Variants in SEMA3E observed in about 807,000 individuals in gnomAD.
SEMA3E encodes semaphorin-3E.
A neutral mutation model predicts 93.6 loss-of-function variants in SEMA3E; 49 were observed. The observed-to-expected ratio is 0.52, with a 90% CI of 0.42 to 0.66. The LOEUF is 0.66. SEMA3E is among the 30% of genes least tolerant of loss of function. The probability of loss-of-function intolerance (pLI) is 0.00; values close to 1 mark genes in which losing one functional copy is unlikely to be tolerated. For missense variants in SEMA3E, 906 were observed against 964.8 expected (o/e 0.94, Z 0.81); for synonymous variants, 363 against 330.7 (o/e 1.10, Z -1.06).
Position 83,363,956 on chromosome 7 carries a change from G to A in SEMA3E, c.*3630C>T, listed in dbSNP as rs931910226. Reference sequence around the variant, plus strand: ...AGGCCGGACTGCGGACTGCAGTGGCGCAATCTCGGCTCACTGCAAGCTCCG... The same window carrying A: ...AGGCCGGACTGCGGACTGCAGTGGCACAATCTCGGCTCACTGCAAGCTCCG... On this transcript the variant is annotated 3_prime_UTR_variant, in exon 17 of 17. Transcript: ENST00000643230. The A allele has an allele frequency of 1.5e-3, 179 of 122,854 alleles. No homozygotes were observed. The highest frequency in any genetic ancestry group is 5.2e-3 in the African/African-American group (173 of 32,986). The allele number at this position is 122,854 out of a possible 1,614,324, so 7.6% of individuals were successfully genotyped here.
intron 4 of SEMA3E, among the ~76,000 whole-genome samples, chr7:83,453,704 T>C (rs1789412857): frequency 6.6e-6 from 1 of 151,254 alleles, no homozygotes; most frequent in Non-Finnish European, 1.5e-5. Context: ...TTCACATAAA[T>C]GGATCAAGAA....
intron 1 of SEMA3E, among the ~76,000 whole-genome samples, chr7:83,570,354 C>A (rs1322594795): frequency 1.3e-5 from 2 of 150,674 alleles, no homozygotes; most frequent in Non-Finnish European, 3.0e-5. Flanking sequence ...GAGATCGAGA[C>A]CATCCCGGCT....
intron 1 of SEMA3E, among the ~76,000 whole-genome samples, chr7:83,512,911 T>C (rs1790854299): frequency 1.3e-5 from 2 of 152,184 alleles, no homozygotes. Context: ...AGCATTTTAC[T>C]CAGGTTTTTA....
chr7:83,537,633 A>G (rs1047829349), intron 1 of SEMA3E, among the ~76,000 whole-genome samples: 2 of 152,144 alleles, frequency 1.3e-5, no homozygotes, highest in African/African-American at 4.8e-5. Context: ...TTTACCTTCA[A>G]TCTCTAAACA....
intron 1 of SEMA3E, among the ~76,000 whole-genome samples, chr7:83,567,381 T>G (rs955905245): frequency 2.0e-5 from 3 of 152,152 alleles, no homozygotes; most frequent in African/African-American, 7.2e-5. Flanking sequence ...AACTTTGGAT[T>G]AAAACTGTAC....
intron 4 of SEMA3E, among the ~76,000 whole-genome samples, chr7:83,423,627 C>A (rs1788712608): frequency 6.6e-6 from 1 of 151,702 alleles, no homozygotes; most frequent in African/African-American, 2.4e-5. Context: ...CCTCAGCCTC[C>A]CGAGTAGCTG....
chr7:83,514,433 A>G (rs1037439766), intron 1 of SEMA3E, among the ~76,000 whole-genome samples: 10 of 152,078 alleles, frequency 6.6e-5, no homozygotes, highest in South Asian at 2.1e-4. Context: ...TTCCTGTAAC[A>G]TATTTCTCTG....
intron 1 of SEMA3E, among the ~76,000 whole-genome samples, chr7:83,603,338 C>T (rs994664630): frequency 3.3e-5 from 5 of 151,940 alleles, no homozygotes; most frequent in Admixed American, 1.3e-4. Context: ...AGGTGAAACA[C>T]AAGACATAAA....
At chr7:83,417,927 T>C (rs1339733052) in intron 5 of SEMA3E, among the ~76,000 whole-genome samples, 5 of 152,104 alleles carry the variant, frequency 3.3e-5, no homozygotes, top group Non-Finnish European at 5.9e-5. Flanking sequence ...TTTAGATAAA[T>C]AAATTTAAGT....
At chr7:83,606,951 T>C (rs1450456701) in intron 1 of SEMA3E, among the ~76,000 whole-genome samples, 3 of 152,172 alleles carry the variant, frequency 2.0e-5, no homozygotes, top group Non-Finnish European at 4.4e-5. Flanking sequence ...CTTTCTGTTA[T>C]ATGTAGGCTA....
intron 16 of SEMA3E, among the ~76,000 whole-genome samples, chr7:83,384,487 A>T (rs1481617726): frequency 4.4e-5 from 1 of 22,500 alleles, no homozygotes; most frequent in Non-Finnish European, 1.1e-4. Flanking sequence ...TCTCCTTCTA[A>T]AATATCCATT....
Position 83,648,879 on chromosome 7 carries a change from T to TAA in SEMA3E, c.-338_-337insTT. ...CAGTCACTTGGGCAAAGCTGTTCAT[T>TAA]CAGAAAAAAAAAAAAAAAAGAGAGA... On this transcript the variant is annotated 5_prime_UTR_variant, in exon 1 of 17. Coordinates refer to ENST00000643230, the MANE Select transcript of SEMA3E (RefSeq NM_012431.3). 6.8e-6 allele frequency: 1 copy of TAA among 147,520 alleles called. No homozygotes were observed. Among genetic ancestry groups the TAA allele is most frequent in the Non-Finnish European group, 1.3e-5 (1 of 77,380 alleles). 9.1% of individuals were successfully genotyped at this position (147,520 alleles called of 1,614,324 possible).
At chr7:83,407,274 A>C in intron 6 of SEMA3E, 35 bp from the exon 7 acceptor site, 1 of 1,562,528 alleles carries the variant, frequency 6.4e-7, no homozygotes, top group Middle Eastern at 1.7e-4. Context: ...AAAGTGAAAT[A>C]GATATTACAA....
chr7:83,462,338 AC>A (rs769567448), intron 4 of SEMA3E, among the ~76,000 whole-genome samples: 1 of 150,482 alleles, frequency 6.6e-6, no homozygotes. Flanking sequence ...ACTTCTTAAA[AC>A]TCCCCAACTC....
At position 83,587,116 on chromosome 7, in the gene SEMA3E, C is replaced by A. The variant is rs1792645546; in HGVS notation, c.115+61312G>T. Among the ~76,000 whole-genome samples, 3 of 152,128 alleles carry A rather than the reference C, an allele frequency of 2.0e-5. No homozygotes were observed. In the South Asian group the frequency reaches 6.2e-4, roughly 32 times the overall value. ...AAGAGAAACTTAAAGATTTTCCACA[C>A]AATATCATCACCTAAAGCAAATGTC... On this transcript the variant is annotated intron_variant, in intron 1 of 16. Transcript: ENST00000643230.
chr7:83,635,881 C>CA (rs5885371), intron 1 of SEMA3E, among the ~76,000 whole-genome samples: 81,959 of 139,486 alleles, frequency 0.59, 22,958 homozygotes, highest in South Asian at 0.67. Context: ...GACAGACTGA[C>CA]AAAAAAAAAA....
intron 4 of SEMA3E, among the ~76,000 whole-genome samples, chr7:83,427,002 A>T (rs1788784842): frequency 6.6e-6 from 1 of 152,144 alleles, no homozygotes; most frequent in South Asian, 2.1e-4. Flanking sequence ...TTAACATAAC[A>T]TAGTGTGACA....
At chr7:83,642,694 A>G (rs1794030016) in intron 1 of SEMA3E, among the ~76,000 whole-genome samples, 1 of 152,142 alleles carries the variant, frequency 6.6e-6, no homozygotes. Context: ...TCCTTTGTAT[A>G]AGGTACAGAG....
In SEMA3E at chr7:83,454,272, AATATAT is replaced by A. The variant is rs71534491; in HGVS notation, c.456+12204_456+12209del. On this transcript the variant is annotated intron_variant, in intron 4 of 16. Transcript: ENST00000643230. ...GACTCCGACTCAAAAAAAAAAAAAA[AATATAT>A]ATATATATATATATATATAATGTGT... Among the ~76,000 whole-genome samples, 474 of 109,776 alleles carry A rather than the reference AATATAT, an allele frequency of 4.3e-3. 36 individuals are homozygous for A. Among genetic ancestry groups the A allele is most frequent in the Middle Eastern group, 0.02 (4 of 204 alleles). 72.0% of individuals were successfully genotyped at this position (109,776 alleles called of 152,430 possible). A position where few individuals can be genotyped will look rare whatever the true frequency, so the allele number is the denominator to read the frequency against.
Sources: gnomAD v4.1 joint callset for allele counts (sites outside exome capture counted in the v4.1 genomes callset) on GRCh38, gnomAD v4.1.1 for gene constraint, MANE v1.5 for transcripts, NCBI Gene and HGNC (gene_info 2026-07-23, HGNC 2026-07-21) for gene names.